Variants in R3HDM2 observed in about 807,000 individuals in gnomAD.
R3HDM2 encodes R3H domain-containing protein 2.
R3HDM2 carries 38 observed loss-of-function variants against 124.5 expected under a neutral mutation model. That is an observed-to-expected ratio of 0.31 (90% confidence interval 0.24 to 0.40). R3HDM2 has a LOEUF of 0.40. Ranked by LOEUF, R3HDM2 falls within the 10% of genes least tolerant of loss-of-function variation. The pLI, the probability that R3HDM2 is intolerant of heterozygous loss-of-function variation, is 1.00. For missense variants in R3HDM2, 869 were observed against 1,236.9 expected (o/e 0.70, Z 4.46); for synonymous variants, 391 against 448.0 (o/e 0.87, Z 1.61).
intron 2 of R3HDM2, among the ~76,000 whole-genome samples, chr12:57,369,318 T>G (rs1262379315): frequency 6.6e-6 from 1 of 152,200 alleles, no homozygotes; most frequent in African/African-American, 2.4e-5. Context: ...GCAGATGATA[T>G]GTGATTCTGG....
In R3HDM2 at chr12:57,254,704, G is replaced by A. The variant is rs2038376539; in HGVS notation, c.*69C>T. ...TACTTCCTGCCTCTGTCCATGGTCT[G>A]TCAGGATCCTTCAACCCCCTCCACC... On this transcript the variant is annotated 3_prime_UTR_variant, in exon 24 of 24. Transcript: ENST00000402412. The A allele has an allele frequency of 7.5e-7, 1 of 1,337,282 alleles. No homozygotes were observed. The highest frequency in any genetic ancestry group is 1.0e-6 in the Non-Finnish European group (1 of 975,180). 82.8% of individuals were successfully genotyped at this position (1,337,282 alleles called of 1,614,324 possible).
chr12:57,323,729 T>C (rs2056832921), intron 2 of R3HDM2, among the ~76,000 whole-genome samples: 1 of 152,226 alleles, frequency 6.6e-6, no homozygotes, highest in Admixed American at 6.5e-5. Flanking sequence ...CTTTGATCAA[T>C]GGACTGAAGT....
intron 2 of R3HDM2, among the ~76,000 whole-genome samples, chr12:57,345,244 A>C (rs944203201): frequency 6.6e-6 from 1 of 152,182 alleles, no homozygotes. Context: ...GTGAGGAGAA[A>C]GAGTGTACTG....
intron 21 of R3HDM2, 22 bp downstream of exon 21, chr12:57,257,968 C>A: frequency 6.8e-7 from 1 of 1,466,110 alleles, no homozygotes; most frequent in Non-Finnish European, 9.1e-7. Context: ...CCATAGCAGC[C>A]AGCACTAATC....
intron 2 of R3HDM2, among the ~76,000 whole-genome samples, chr12:57,329,751 A>C (rs1259420971): frequency 6.6e-6 from 1 of 152,128 alleles, no homozygotes; most frequent in East Asian, 1.9e-4. Flanking sequence ...GTCTCAAAAA[A>C]AAAGAAAAAG....
chr12:57,274,970 C>G (rs1430118331), intron 14 of R3HDM2, among the ~76,000 whole-genome samples: 1 of 151,994 alleles, frequency 6.6e-6, no homozygotes, highest in Non-Finnish European at 1.5e-5. Context: ...AAAAAAAATT[C>G]TAAAATTCAT....
In R3HDM2 at chr12:57,295,644, A is replaced by G. The variant is rs945995219; in HGVS notation, c.702-137T>C. ...TCTGGAGTAAGGAATCCAAAAAGTC[A>G]CATGCAGGTTTTAATGAAATCTTCA... is the stretch of plus-strand genomic sequence containing the variant. On this transcript the variant is annotated intron_variant, in intron 9 of 23. Transcript: ENST00000402412. 45 of 630,080 alleles carry G rather than the reference A, an allele frequency of 7.1e-5. No homozygotes were observed. In the African/African-American group the frequency reaches 7.5e-4, roughly 11 times the overall value. 39.0% of individuals were successfully genotyped at this position (630,080 alleles called of 1,614,324 possible).
chr12:57,266,718 C>T lies in R3HDM2; in HGVS notation c.2131+13G>A, dbSNP rs1452413519. 2.6e-6 allele frequency: 4 copies of T among 1,555,754 alleles called. No homozygotes were observed. In the Admixed American group the frequency reaches 5.0e-5, roughly 20 times the overall value. On this transcript the variant is annotated intron_variant, in intron 19 of 23. Transcript: ENST00000402412. ...TGTCAGTGCCCAAGACCCACAGTTC[C>T]TTATCCTCTTACCTGAGTACTGCTG...
intron 3 of R3HDM2, among the ~76,000 whole-genome samples, chr12:57,309,323 TG>T (rs1344662389): frequency 6.6e-6 from 1 of 152,178 alleles, no homozygotes; most frequent in Non-Finnish European, 1.5e-5. Flanking sequence ...TTGTTGGGCT[TG>T]GGTAACAGAA....
At chr12:57,423,042 A>G (rs1041907619) in intron 1 of R3HDM2, among the ~76,000 whole-genome samples, 2 of 152,172 alleles carry the variant, frequency 1.3e-5, no homozygotes, top group African/African-American at 2.4e-5. Flanking sequence ...AGCAAGTAAA[A>G]AAGTATAGCG....
intron 1 of R3HDM2, among the ~76,000 whole-genome samples, chr12:57,417,096 C>T (rs1428536364): frequency 1.3e-5 from 2 of 151,684 alleles, no homozygotes; most frequent in Non-Finnish European, 2.9e-5. Context: ...CCAGCCTGGG[C>T]GACAGAATGA....
Position 57,283,976 on chromosome 12 carries a change from C to T in R3HDM2, c.1019G>A (p.Arg340His), listed in dbSNP as rs758634131. Residue 340 changes from arginine to histidine, a missense_variant, in exon 13 of 24, where the codon CGC (arginine) becomes CAC (histidine). Arg to His is a conservative substitution (Grantham distance 29, BLOSUM62 0). Coordinates refer to ENST00000402412, the MANE Select transcript of R3HDM2 (RefSeq NM_001394031.1). ...TDSELKSLEP[R>H]PWSSTDSDGS... ...ATCAGAGTCTGTGCTGCTCCAAGGG[C>T]GTGGCTCCAGGGATTTGAGTTCGCT... 6.2e-7 allele frequency: 1 copy of T among 1,613,914 alleles called. No homozygotes were observed. The highest frequency in any genetic ancestry group is 8.5e-7 in the Non-Finnish European group (1 of 1,179,972).
intron 12 of R3HDM2, among the ~76,000 whole-genome samples, chr12:57,287,664 A>G (rs562756644): frequency 9.8e-4 from 150 of 152,358 alleles, no homozygotes; most frequent in African/African-American, 3.3e-3. Context: ...GTAGTAGTCA[A>G]TAAGAGAGAA....
chr12:57,358,048 G>A (rs755273700), intron 2 of R3HDM2, among the ~76,000 whole-genome samples: 3 of 150,418 alleles, frequency 2.0e-5, no homozygotes, highest in Non-Finnish European at 3.0e-5. Context: ...GCACGATCTC[G>A]GATCATTTCA....
chr12:57,268,876 C>A (rs1207384927), intron 17 of R3HDM2, 46 bp downstream of exon 17: 1 of 1,587,480 alleles, frequency 6.3e-7, no homozygotes, highest in South Asian at 1.1e-5. Flanking sequence ...TCCTTTTCCT[C>A]ATGCCAAGGA....
chr12:57,334,115 A>C (rs1490337956), intron 2 of R3HDM2, among the ~76,000 whole-genome samples: 1 of 152,180 alleles, frequency 6.6e-6, no homozygotes, highest in Non-Finnish European at 1.5e-5. Flanking sequence ...GGTCATAGTT[A>C]GACTTAGACT....
At chr12:57,328,232 T>G (rs1009354971) in intron 2 of R3HDM2, among the ~76,000 whole-genome samples, 1 of 152,148 alleles carries the variant, frequency 6.6e-6, no homozygotes, top group Admixed American at 6.5e-5. Context: ...TGGTTAATTT[T>G]TGTATTTTCT....
chr12:57,256,506 C>T lies in R3HDM2; in HGVS notation c.2455G>A (p.Gly819Arg). The T allele has an allele frequency of 1.9e-6, 3 of 1,577,248 alleles. No individual in the cohort carries two copies. The highest frequency in any genetic ancestry group is 2.6e-6 in the Non-Finnish European group (3 of 1,161,162). The stretch of plus-strand genomic sequence containing the variant: ...GGCTGGCCCAAAAGGGAGTAGCGCC[C>T]ATCACCTAGGGAGTAAGAGCAATTG... ...PRPGGPAQGD[G>R]RYSLLGQPLQ... The change falls in exon 22 of 24, where the codon GGG becomes AGG. Residue 819 changes from glycine (G) to arginine (R), a missense_variant. Transcript: ENST00000402412.
chr12:57,282,588 A>C (rs566155989), intron 13 of R3HDM2, among the ~76,000 whole-genome samples: 1 of 152,188 alleles, frequency 6.6e-6, no homozygotes, highest in African/African-American at 2.4e-5. Context: ...TGGGCCCAGG[A>C]GTTCAAGGCT....
Sources: allele counts gnomAD v4.1 joint callset (sites outside exome capture counted in the v4.1 genomes callset), GRCh38; gene constraint gnomAD v4.1.1; transcripts MANE v1.5; gene names NCBI Gene and HGNC (gene_info 2026-07-23, HGNC 2026-07-21).